Variants in SENP1 observed in about 807,000 individuals in gnomAD.
SENP1 encodes SUMO specific peptidase 1, also known as sentrin-specific protease 1.
SENP1 carries 21 observed loss-of-function variants against 93.0 expected under a neutral mutation model. The observed-to-expected ratio is 0.23, with a 90% CI of 0.16 to 0.33. The LOEUF (loss-of-function observed/expected upper bound fraction) is 0.33. SENP1 is among the 10% of genes least tolerant of loss of function. The probability of loss-of-function intolerance (pLI) is 1.00; values close to 1 mark genes in which losing one functional copy is unlikely to be tolerated. For missense variants in SENP1, 591 were observed against 758.7 expected, an observed-to-expected ratio of 0.78 and a Z score of 2.60; for synonymous variants, 256 against 259.6, an observed-to-expected ratio of 0.99 and a Z score of 0.13.
intron 5 of SENP1, chr12:48,088,481 C>T: frequency 6.6e-6 from 2 of 302,190 alleles, no homozygotes; most frequent in Non-Finnish European, 1.2e-5. Context: ...TGTTTCTTTC[C>T]TGCTCAAATT....
At chr12:48,074,644 T>C (rs748277254) in intron 7 of SENP1, 37 bp from the exon 8 acceptor site, 3 of 1,607,272 alleles carry the variant, frequency 1.9e-6, no homozygotes, top group African/African-American at 2.7e-5. Flanking sequence ...TATCAAGTAA[T>C]AAATTGTAGA....
chr12:48,048,149 C>G, intron 14 of SENP1, 69 bp from the exon 15 acceptor site: 1 of 1,009,488 alleles, frequency 9.9e-7, no homozygotes, highest in East Asian at 2.4e-5. Context: ...TTTTCCCTTC[C>G]CTGCCCTTTG....
chr12:48,071,197 A>G (rs1367914247), intron 9 of SENP1, among the ~76,000 whole-genome samples: 1 of 152,252 alleles, frequency 6.6e-6, no homozygotes, highest in Non-Finnish European at 1.5e-5. Context: ...TGAAGGAAGA[A>G]CAATTATAAA....
At chr12:48,078,824 C>A (rs1010505335) in intron 6 of SENP1, among the ~76,000 whole-genome samples, 1 of 152,178 alleles carries the variant, frequency 6.6e-6, no homozygotes, top group Admixed American at 6.5e-5. Context: ...AAGAAAACAT[C>A]TTTCTCTGTA....
rs558047487 is a variant in SENP1, at chr12:48,087,051, AAACAAAACAAAAC to A, written c.380+1737_380+1749del. Among the ~76,000 whole-genome samples, 57 of 143,980 alleles carry A rather than the reference AAACAAAACAAAAC, an allele frequency of 4.0e-4. No homozygotes were observed. In the South Asian group the frequency reaches 8.3e-3, roughly 21 times the overall value. 94.5% of individuals were successfully genotyped at this position (143,980 alleles called of 152,430 possible). A position where few individuals can be genotyped will look rare whatever the true frequency, so the allele number is the denominator to read the frequency against. On this transcript the variant is annotated intron_variant, in intron 5 of 17. Coordinates refer to ENST00000549518, the MANE Select transcript of SENP1 (RefSeq NM_001267594.2). ...AAGGCTCCGTCTCAACAAAACAAAA[AAACAAAACAAAAC>A]AAAACAAAACAAAACAAAAAAAGGC... is the stretch of plus-strand genomic sequence containing the variant.
At chr12:48,101,374 G>T in intron 2 of SENP1, 95 bp downstream of exon 2, 4 of 940,950 alleles carry the variant, frequency 4.3e-6, no homozygotes, top group Non-Finnish European at 6.6e-6. Flanking sequence ...TAAGCACAAA[G>T]ATACAAATAC....
rs541773271 is a variant in SENP1 at position 48,048,958 on chromosome 12, T to C, written c.1582A>G (p.Ile528Val). 13 of 1,613,666 alleles carry C rather than the reference T, an allele frequency of 8.1e-6. No homozygotes were observed. The highest frequency in any genetic ancestry group is 1.7e-5 in the Admixed American group (1 of 59,982). Reference protein sequence around the residue: ...VFSVDILLVPIHLGVHWCLAV... With the variant: ...VFSVDILLVPVHLGVHWCLAV... The stretch of plus-strand genomic sequence containing the variant: ...AGACACCAGTGTACTCCCAGGTGAA[T>C]GGGCACCAAAAGAATGTCAACAGAA... Residue 528 changes from isoleucine (I) to valine (V), a missense_variant, in exon 14 of 18, where the codon ATT becomes GTT. Coordinates refer to ENST00000549518, the MANE Select transcript of SENP1 (RefSeq NM_001267594.2).
intron 5 of SENP1, among the ~76,000 whole-genome samples, chr12:48,087,549 A>G (rs1944965667): frequency 6.6e-6 from 1 of 152,246 alleles, no homozygotes; most frequent in Non-Finnish European, 1.5e-5. Context: ...AGAAAGAGTA[A>G]GAGAGAAATA....
intron 13 of SENP1, among the ~76,000 whole-genome samples, chr12:48,053,714 G>A (rs1941995412): frequency 6.6e-6 from 1 of 152,122 alleles, no homozygotes; most frequent in South Asian, 2.1e-4. Flanking sequence ...TAGGTAATTA[G>A]TCTGCCTGGT....
chr12:48,085,094 C>T, intron 5 of SENP1: 1 of 1,375,702 alleles, frequency 7.3e-7, no homozygotes, highest in South Asian at 1.2e-5. Context: ...TCGCAGTGAT[C>T]AGAGACAAGG....
chr12:48,059,252 G>A (rs1445340413), intron 13 of SENP1, among the ~76,000 whole-genome samples: 1 of 151,978 alleles, frequency 6.6e-6, no homozygotes, highest in African/African-American at 2.4e-5. Flanking sequence ...TAACCTGTCT[G>A]GTATAATCCC....
intron 4 of SENP1, among the ~76,000 whole-genome samples, chr12:48,090,467 C>A (rs780698945): frequency 3.3e-5 from 5 of 152,206 alleles, no homozygotes; most frequent in Non-Finnish European, 5.9e-5. Context: ...AGGGGAAAAG[C>A]AGAAGATCAG....
At chr12:48,056,596 T>C (rs1431922264) in intron 13 of SENP1, among the ~76,000 whole-genome samples, 1 of 59,982 alleles carries the variant, frequency 1.7e-5, no homozygotes, top group Non-Finnish European at 2.5e-5. Flanking sequence ...TATATAAATA[T>C]ATTATTTAAT....
Position 48,049,140 on chromosome 12 carries a change from A to G in SENP1, c.1408-8T>C. On this transcript the variant is annotated splice_polypyrimidine_tract_variant and splice_region_variant and intron_variant, in intron 13 of 17. Coordinates refer to ENST00000549518, the MANE Select transcript of SENP1 (RefSeq NM_001267594.2). Reference sequence around the variant, plus strand: ...CATGTAGAAATTGATGATCTGTGGGAAGAAATTACACCTATTAGAATAGAC... The same window carrying G: ...CATGTAGAAATTGATGATCTGTGGGGAGAAATTACACCTATTAGAATAGAC... The G allele has an allele frequency of 6.2e-7, 1 of 1,607,280 alleles. No homozygotes were observed. Among genetic ancestry groups the G allele is most frequent in the Non-Finnish European group, 8.5e-7 (1 of 1,174,078 alleles).
At chr12:48,084,445 G>GA (rs1193676688) in intron 5 of SENP1, among the ~76,000 whole-genome samples, 39 of 93,014 alleles carry the variant, frequency 4.2e-4, no homozygotes, top group African/African-American at 1.4e-3. Context: ...TACTAATTTT[G>GA]AGTTTTTTTT....
At chr12:48,095,922 AAAG>A (rs1472451918) in intron 4 of SENP1, among the ~76,000 whole-genome samples, 3 of 152,192 alleles carry the variant, frequency 2.0e-5, no homozygotes, top group Non-Finnish European at 2.9e-5. Flanking sequence ...TCCTGCCCTG[AAAG>A]AAGGACAAGC....
rs774486155 is a variant in SENP1 at position 48,047,951 on chromosome 12, C to T, written c.1691+50G>A. ...CAACTGAGTTCAATTACTGGAAAAA[C>T]ACCACCTATACCCGATATCAAACTC... On this transcript the variant is annotated intron_variant, in intron 15 of 17. Coordinates refer to ENST00000549518, the MANE Select transcript of SENP1 (RefSeq NM_001267594.2). 18 of 1,219,040 alleles carry T rather than the reference C, an allele frequency of 1.5e-5. No homozygotes were observed. The East Asian group carries it at 4.2e-4, about 28-fold the overall frequency. The allele number at this position is 1,219,040 out of a possible 1,614,324, so 75.5% of individuals were successfully genotyped here. A position where few individuals can be genotyped will look rare whatever the true frequency, so the allele number is the denominator to read the frequency against.
At chr12:48,068,221 TC>T (rs1339317085) in intron 9 of SENP1, among the ~76,000 whole-genome samples, 2 of 152,118 alleles carry the variant, frequency 1.3e-5, no homozygotes, top group Non-Finnish European at 2.9e-5. Flanking sequence ...CAAGCAGTTT[TC>T]TTCAATGGAT....
intron 1 of SENP1, among the ~76,000 whole-genome samples, chr12:48,102,201 G>A (rs1157149564): frequency 6.6e-6 from 1 of 152,178 alleles, no homozygotes; most frequent in Non-Finnish European, 1.5e-5. Context: ...GAGGAGGGCA[G>A]ATCACTTGGC....
Sources: gnomAD v4.1 joint callset for allele counts (sites outside exome capture counted in the v4.1 genomes callset) on GRCh38, gnomAD v4.1.1 for gene constraint, MANE v1.5 for transcripts, NCBI Gene and HGNC (gene_info 2026-07-23, HGNC 2026-07-21) for gene names.